CNTNAP5: variants seen among roughly 807,000 people sequenced by gnomAD.
CNTNAP5 encodes contactin-associated protein-like 5.
CNTNAP5 carries 72 observed loss-of-function variants against 150.2 expected under a neutral mutation model. The observed-to-expected ratio is 0.48, with a 90% CI of 0.40 to 0.58. The LOEUF is 0.58. Ranked by LOEUF, CNTNAP5 falls within the 20% of genes least tolerant of loss-of-function variation. The pLI, the probability that CNTNAP5 is intolerant of heterozygous loss-of-function variation, is 0.00. For missense variants in CNTNAP5, 1,636 were observed against 1,626.2 expected (o/e 1.01, Z -0.10); for synonymous variants, 672 against 619.8 (o/e 1.08, Z -1.25).
chr2:124,768,914 G>A (rs991534254), intron 16 of CNTNAP5, among the ~76,000 whole-genome samples: 7 of 152,170 alleles, frequency 4.6e-5, no homozygotes, highest in African/African-American at 1.7e-4. Context: ...TCCTTGAAGA[G>A]ATTATGTCCC....
intron 13 of CNTNAP5, among the ~76,000 whole-genome samples, chr2:124,706,944 AGG>A (rs1312070018): frequency 3.1e-4 from 30 of 95,596 alleles, no homozygotes; most frequent in African/African-American, 3.8e-4. Context: ...AAGAAGAAGG[AGG>A]AGGAGGAGGA....
intron 4 of CNTNAP5, among the ~76,000 whole-genome samples, chr2:124,430,491 ATGCC>A (rs1444334224): frequency 2.0e-5 from 3 of 152,228 alleles, no homozygotes; most frequent in African/African-American, 7.2e-5. Context: ...AAATCACAGC[ATGCC>A]TGGAGCAGTG....
intron 13 of CNTNAP5, among the ~76,000 whole-genome samples, chr2:124,689,575 ATG>A (rs1031530708): frequency 6.6e-6 from 1 of 151,986 alleles, no homozygotes; most frequent in East Asian, 1.9e-4. Context: ...GTGTGTGGAT[ATG>A]TGTGTTTATA....
chr2:124,708,532 A>T (rs929060529), intron 13 of CNTNAP5, among the ~76,000 whole-genome samples: 2 of 152,200 alleles, frequency 1.3e-5, no homozygotes, highest in African/African-American at 4.8e-5. Flanking sequence ...CAAAGGCGGA[A>T]AATGTATCTC....
chr2:124,028,391 T>C (rs1319383789), intron 1 of CNTNAP5, among the ~76,000 whole-genome samples: 1 of 152,142 alleles, frequency 6.6e-6, no homozygotes, highest in Non-Finnish European at 1.5e-5. Flanking sequence ...AAAGGAAAGA[T>C]GAATGCTTGC....
At chr2:124,245,462 G>T (rs6739686) in intron 3 of CNTNAP5, among the ~76,000 whole-genome samples, 45,446 of 151,578 alleles carry the variant, frequency 0.3, 6,888 homozygotes, top group South Asian at 0.48. Flanking sequence ...CAAACAAAAG[G>T]TTTTGCAAAA....
intron 7 of CNTNAP5, among the ~76,000 whole-genome samples, chr2:124,496,272 T>C (rs1283174028): frequency 2.6e-5 from 4 of 152,178 alleles, no homozygotes; most frequent in African/African-American, 9.7e-5. Context: ...GGCAGTCTTT[T>C]CCCTACATTT....
intron 3 of CNTNAP5, among the ~76,000 whole-genome samples, chr2:124,384,770 C>T (rs1044112633): frequency 2.6e-5 from 4 of 152,174 alleles, no homozygotes; most frequent in Non-Finnish European, 5.9e-5. Flanking sequence ...CTTTGTTCTT[C>T]CTCTGTTATC....
intron 13 of CNTNAP5, among the ~76,000 whole-genome samples, chr2:124,740,349 G>A (rs1680471674): frequency 6.6e-6 from 1 of 152,040 alleles, no homozygotes; most frequent in Non-Finnish European, 1.5e-5. Context: ...GTGGCATCGA[G>A]ACTTAAAAAG....
intron 1 of CNTNAP5, among the ~76,000 whole-genome samples, chr2:124,104,946 A>G (rs962208584): frequency 2.0e-5 from 3 of 151,834 alleles, no homozygotes; most frequent in African/African-American, 7.2e-5. Context: ...ATACAGTTAA[A>G]GTTTCCTGAC....
intron 2 of CNTNAP5, among the ~76,000 whole-genome samples, chr2:124,231,388 A>C: frequency 6.6e-6 from 1 of 152,116 alleles, no homozygotes; most frequent in African/African-American, 2.4e-5. Context: ...AGAGAGGTTA[A>C]GTCAGTGGCC....
At chr2:124,145,812 T>TAAAAAAAAAAAAAA in intron 1 of CNTNAP5, among the ~76,000 whole-genome samples, 66 of 64,056 alleles carry the variant, frequency 1.0e-3, no homozygotes, top group Admixed American at 1.2e-3. Context: ...AAAAAAACAT[T>TAAAAAAAAAAAAAA]AAAAAAAAAA....
At chr2:124,639,932 A>G (rs4848957) in intron 12 of CNTNAP5, among the ~76,000 whole-genome samples, 61,348 of 151,218 alleles carry the variant, frequency 0.41, 14,500 homozygotes, top group Non-Finnish European at 0.54. Flanking sequence ...GTTCCCACCC[A>G]CTCCCCCCTT....
intron 3 of CNTNAP5, among the ~76,000 whole-genome samples, chr2:124,359,433 T>C (rs2104712541): frequency 6.6e-6 from 1 of 152,170 alleles, no homozygotes; most frequent in South Asian, 2.1e-4. Context: ...CTTTCTCTTG[T>C]GGGCATTTAG....
intron 19 of CNTNAP5, among the ~76,000 whole-genome samples, chr2:124,822,093 AACTG>A (rs68193461): frequency 0.05 from 7,535 of 152,172 alleles, 531 homozygotes; most frequent in African/African-American, 0.16. Context: ...CATTTATTAC[AACTG>A]ACTGTCTGCT....
chr2:124,584,910 A>G (rs557226472), intron 11 of CNTNAP5, among the ~76,000 whole-genome samples: 26 of 152,290 alleles, frequency 1.7e-4, no homozygotes. Flanking sequence ...AAGAACAAAC[A>G]TCAGATTTAC....
At chr2:124,171,760 G>A (rs769201495) in intron 1 of CNTNAP5, among the ~76,000 whole-genome samples, 4 of 152,130 alleles carry the variant, frequency 2.6e-5, no homozygotes, top group Non-Finnish European at 5.9e-5. Flanking sequence ...AGCTCTCTGA[G>A]GAAAATGGTC....
intron 21 of CNTNAP5, among the ~76,000 whole-genome samples, chr2:124,885,153 G>C (rs1678052049): frequency 6.6e-6 from 1 of 151,994 alleles, no homozygotes; most frequent in Non-Finnish European, 1.5e-5. Context: ...GGAACTCTCA[G>C]GCATGAGTGG....
chr2:124,153,627 T>TTTTTTTA (rs1470972660), intron 1 of CNTNAP5, among the ~76,000 whole-genome samples: 1 of 143,288 alleles, frequency 7.0e-6, no homozygotes. Context: ...TTTTTTTTTT[T>TTTTTTTA]GAGACAGAGT....
Sources: allele counts gnomAD v4.1 joint callset (sites outside exome capture counted in the v4.1 genomes callset), GRCh38; gene constraint gnomAD v4.1.1; transcripts MANE v1.5; gene names NCBI Gene and HGNC (gene_info 2026-07-23, HGNC 2026-07-21).